ZNF814: variants seen among roughly 807,000 people sequenced by gnomAD.
ZNF814 encodes the protein zinc finger protein 814.
A neutral mutation model predicts 7.5 loss-of-function variants in ZNF814; 5 were observed. The observed-to-expected ratio is 0.67, with a 90% confidence interval of 0.35 to 1.40. The LOEUF is 1.40. Ranked by LOEUF, ZNF814 falls within the 40% of genes most tolerant of loss-of-function variation. ZNF814 has a pLI of 0.04. For missense variants in ZNF814, 962 were observed against 1,018.0 expected, an observed-to-expected ratio of 0.94 and a Z score of 0.75; for synonymous variants, 315 against 340.7, an observed-to-expected ratio of 0.92 and a Z score of 0.83.
chr19:57,891,970 T>C (rs1049393365), upstream of ZNF814, among the ~76,000 whole-genome samples: 1 of 152,134 alleles, frequency 6.6e-6, no homozygotes, highest in Non-Finnish European at 1.5e-5. Context: ...GCCAGGCTGG[T>C]TTCAAGCTCC....
chr19:57,887,524 C>G (rs918762562), intron 1 of ZNF814, among the ~76,000 whole-genome samples: 12 of 152,182 alleles, frequency 7.9e-5, no homozygotes, highest in Admixed American at 6.5e-4. Context: ...AATGCCCAAC[C>G]TTGTTTTCAC....
chr19:57,874,859 C>G lies in ZNF814; in HGVS notation c.531G>C (p.Lys177Asn), dbSNP rs767627144. Residue 177 changes from lysine (K) to asparagine (N), a missense_variant, in exon 3 of 3, where the codon AAG (lysine) becomes AAC (asparagine). Lys to Asn is a moderately conservative substitution (Grantham distance 94). Coordinates refer to ENST00000435989, the MANE Select transcript of ZNF814 (RefSeq NM_001144989.2). ...GESSVFSESGKDFLPRSGLLQ... is the reference protein window; with the variant it reads ...GESSVFSESGNDFLPRSGLLQ... ...GTAATCCTGACCTGGGCAAAAAGTC[C>G]TTCCCACTCTCACTGAAGACAGATG... is the stretch of plus-strand genomic sequence containing the variant. The G allele has an allele frequency of 1.2e-6, 2 of 1,614,004 alleles. No individual in the cohort carries two copies. Among genetic ancestry groups the G allele is most frequent in the East Asian group, 4.5e-5 (2 of 44,896 alleles).
the ZNF814 span, chr19:57,901,756 T>C: frequency 2.5e-6 from 1 of 398,602 alleles, no homozygotes; most frequent in Non-Finnish European, 4.4e-6. Flanking sequence ...AGTAACCTAA[T>C]GGTGGCTATG....
rs533262266 is a variant in ZNF814, at chr19:57,877,181, G to A, written c.37-139C>T. Reference sequence around the variant, plus strand: ...GGAGAAACTAGGCCCACTGGTCATGGGGTATAGCCACCAACAATAGTTGAA... The same window carrying A: ...GGAGAAACTAGGCCCACTGGTCATGAGGTATAGCCACCAACAATAGTTGAA... On this transcript the variant is annotated intron_variant, in intron 1 of 2. Transcript: ENST00000435989. 6.0e-4 allele frequency: 789 copies of A among 1,307,274 alleles called. 2 individuals are homozygous for A. Among genetic ancestry groups the A allele is most frequent in the Non-Finnish European group, 7.9e-4 (751 of 944,766 alleles). The allele number at this position is 1,307,274 out of a possible 1,614,324, so 81.0% of individuals were successfully genotyped here. A position where few individuals can be genotyped will look rare whatever the true frequency, so the allele number is the denominator to read the frequency against.
chr19:57,902,042 T>C, the ZNF814 span, among the ~76,000 whole-genome samples: 1 of 152,172 alleles, frequency 6.6e-6, no homozygotes, highest in Non-Finnish European at 1.5e-5. Context: ...GCTTACAAAT[T>C]GGCACACAAG....
Position 57,874,434 on chromosome 19 carries a change from G to T in ZNF814, c.956C>A (p.Thr319Asn). The T allele has an allele frequency of 7.0e-7, 1 of 1,433,164 alleles. No individual in the cohort carries two copies. The highest frequency in any genetic ancestry group is 2.7e-5 in the East Asian group (1 of 37,614). 88.8% of individuals were successfully genotyped at this position (1,433,164 alleles called of 1,614,324 possible). ...VSFSNHQRVH[T>N]GKRPYECGEC... ...TCCACATTCATAAGGTCTTTTCCCA[G>T]TGTGAACTCTCTGATGATTACTGAA... Residue 319 changes from threonine (T) to asparagine (N), a missense_variant, in exon 3 of 3, where the codon ACT becomes AAT. Thr to Asn is a moderately conservative substitution (Grantham distance 65). Around this residue, in one of 7 missense-constraint regions of ZNF814, gnomAD observed 30 missense variants for 97.6 expected, o/e 0.31. Coordinates refer to ENST00000435989, the MANE Select transcript of ZNF814 (RefSeq NM_001144989.2).
At chr19:57,883,861 G>T (rs1366978846) in intron 1 of ZNF814, among the ~76,000 whole-genome samples, 3 of 151,676 alleles carry the variant, frequency 2.0e-5, no homozygotes, top group Non-Finnish European at 2.9e-5. Context: ...AGGTTCAAGT[G>T]ATTCTCCTGC....
chr19:57,885,836 AGGTGAC>A (rs987163106), intron 1 of ZNF814: 1 of 151,890 alleles, frequency 6.6e-6, no homozygotes, highest in African/African-American at 2.4e-5. Context: ...ATAATGCTTG[AGGTGAC>A]GGATACATTA....
At chr19:57,887,768 A>T (rs56309902) in intron 1 of ZNF814, among the ~76,000 whole-genome samples, 2,135 of 152,260 alleles carry the variant, frequency 0.014, 46 homozygotes, top group African/African-American at 0.048. Context: ...GGAACAAACC[A>T]TGTATGAAGT....
At chr19:57,876,769 C>A in intron 2 of ZNF814, 147 bp downstream of exon 2, 1 of 1,373,898 alleles carries the variant, frequency 7.3e-7, no homozygotes. Flanking sequence ...AGTATGTACA[C>A]CTCAGACCTA....
chr19:57,886,229 G>GA (rs1203408174), intron 1 of ZNF814, among the ~76,000 whole-genome samples: 2 of 152,048 alleles, frequency 1.3e-5, no homozygotes, highest in East Asian at 3.9e-4. Context: ...GACATTACAG[G>GA]AATGTGTCCC....
intron 1 of ZNF814, chr19:57,885,940 C>T (rs1233611516): frequency 5.2e-5 from 7 of 135,698 alleles, no homozygotes; most frequent in African/African-American, 1.4e-4. Flanking sequence ...CACGCCACTG[C>T]ACTCCAGTCT....
chr19:57,884,545 G>A (rs2071673904), intron 1 of ZNF814, among the ~76,000 whole-genome samples: 1 of 152,196 alleles, frequency 6.6e-6, no homozygotes, highest in Admixed American at 6.5e-5. Context: ...CTGAGCCCAG[G>A]TGGTCGAAGC....
At chr19:57,889,112 T>G, upstream of ZNF814, 1 of 452,268 alleles carries the variant, frequency 2.2e-6, no homozygotes, top group Non-Finnish European at 3.9e-6. Flanking sequence ...TTCTGAGCCC[T>G]CAGAGGTCTT....
At chr19:57,894,662 T>C in the ZNF814 span, among the ~76,000 whole-genome samples, 3 of 151,188 alleles carry the variant, frequency 2.0e-5, no homozygotes, top group Non-Finnish European at 4.4e-5. Flanking sequence ...ACCCCGTCTC[T>C]ACTAAAAATA....
intron 1 of ZNF814, among the ~76,000 whole-genome samples, chr19:57,877,288 T>C (rs2071614714): frequency 6.6e-6 from 1 of 152,142 alleles, no homozygotes; most frequent in Non-Finnish European, 1.5e-5. Context: ...GCCAAGGTCA[T>C]GGAAAGCCCA....
upstream of ZNF814, among the ~76,000 whole-genome samples, chr19:57,892,388 G>A (rs943943675): frequency 1.3e-5 from 2 of 152,182 alleles, no homozygotes; most frequent in Non-Finnish European, 2.9e-5. Flanking sequence ...AGTCTCTCCT[G>A]GTTAAAGGCT....
At chr19:57,895,300 A>C in the ZNF814 span, among the ~76,000 whole-genome samples, 1 of 146,452 alleles carries the variant, frequency 6.8e-6, no homozygotes, top group Non-Finnish European at 1.5e-5. Flanking sequence ...TTTTGAGATG[A>C]AGTCTCACTC....
At chr19:57,884,036 C>T (rs2071670043) in intron 1 of ZNF814, among the ~76,000 whole-genome samples, 1 of 152,110 alleles carries the variant, frequency 6.6e-6, no homozygotes, top group Non-Finnish European at 1.5e-5. Flanking sequence ...GGATTATAGG[C>T]GTGAGTCACC....
Sources: gnomAD v4.1 joint callset for allele counts (sites outside exome capture counted in the v4.1 genomes callset) on GRCh38, gnomAD v4.1.1 for gene constraint, gnomAD v4.1.1 regional missense constraint, MANE v1.5 for transcripts, NCBI Gene and HGNC (gene_info 2026-07-23, HGNC 2026-07-21) for gene names.